NLGN1: variants seen among roughly 807,000 people sequenced by gnomAD.
The protein encoded by NLGN1 is neuroligin-1.
In NLGN1, 12 loss-of-function variants were observed where a neutral mutation model predicts 65.5. That is an observed-to-expected ratio of 0.18 (90% CI 0.12 to 0.30). NLGN1 has a LOEUF of 0.30. NLGN1 is among the 10% of genes least tolerant of loss of function. The pLI is 1.00. For synonymous variants in NLGN1, 350 were observed against 359.5 expected (o/e 0.97, Z 0.30); for missense variants, 750 against 1,007.1 (o/e 0.74, Z 3.46).
chr3:174,237,577 T>C (rs748628756), intron 4 of NLGN1, among the ~76,000 whole-genome samples: 2 of 152,140 alleles, frequency 1.3e-5, no homozygotes, highest in African/African-American at 4.8e-5. Context: ...TTTTTCTTCT[T>C]GAGACAGTCT....
chr3:173,461,313 A>G (rs1478311723), intron 2 of NLGN1, among the ~76,000 whole-genome samples: 1 of 152,152 alleles, frequency 6.6e-6, no homozygotes, highest in Non-Finnish European at 1.5e-5. Flanking sequence ...CCCTTAGGAA[A>G]AATGTAGGGT....
intron 2 of NLGN1, among the ~76,000 whole-genome samples, chr3:173,482,385 C>A (rs1465590900): frequency 6.6e-6 from 1 of 151,592 alleles, no homozygotes; most frequent in Admixed American, 6.6e-5. Context: ...AATTTTTTTC[C>A]AGGTGGATCT....
intron 4 of NLGN1, among the ~76,000 whole-genome samples, chr3:173,880,973 G>C (rs1368056941): frequency 6.6e-6 from 1 of 151,964 alleles, no homozygotes; most frequent in African/African-American, 2.4e-5. Context: ...TATACCGGGA[G>C]TGGATTGCAT....
At chr3:173,667,463 C>T (rs547636294) in intron 3 of NLGN1, among the ~76,000 whole-genome samples, 1 of 152,246 alleles carries the variant, frequency 6.6e-6, no homozygotes, top group South Asian at 2.1e-4. Flanking sequence ...AAGGTAACAT[C>T]TAGCATAACC....
intron 4 of NLGN1, among the ~76,000 whole-genome samples, chr3:174,079,687 A>G (rs1741738086): frequency 6.6e-6 from 1 of 152,226 alleles, no homozygotes; most frequent in African/African-American, 2.4e-5. Context: ...CATGTACACC[A>G]TGGAACAGTA....
intron 4 of NLGN1, among the ~76,000 whole-genome samples, chr3:174,228,450 C>A (rs1740114022): frequency 6.6e-6 from 1 of 152,036 alleles, no homozygotes; most frequent in East Asian, 1.9e-4. Flanking sequence ...TTGCAGAATA[C>A]CTGCTAAGTG....
chr3:174,156,685 T>C (rs1025902049), intron 4 of NLGN1, among the ~76,000 whole-genome samples: 3 of 151,776 alleles, frequency 2.0e-5, no homozygotes, highest in Non-Finnish European at 4.4e-5. Context: ...AGAGGTAAAG[T>C]ACAGTTTGTA....
At chr3:174,196,488 G>A (rs1577313360) in intron 4 of NLGN1, among the ~76,000 whole-genome samples, 1 of 152,048 alleles carries the variant, frequency 6.6e-6, no homozygotes, top group Non-Finnish European at 1.5e-5. Flanking sequence ...CACTCTGCAC[G>A]TAATGTCATC....
At chr3:173,557,478 T>C (rs1187604616) in intron 2 of NLGN1, among the ~76,000 whole-genome samples, 1 of 152,144 alleles carries the variant, frequency 6.6e-6, no homozygotes, top group Non-Finnish European at 1.5e-5. Flanking sequence ...AAGTCTACTT[T>C]CTTTTATTGT....
At chr3:173,776,118 C>T (rs932320284) in intron 3 of NLGN1, among the ~76,000 whole-genome samples, 2 of 151,994 alleles carry the variant, frequency 1.3e-5, no homozygotes, top group African/African-American at 4.8e-5. Context: ...TTTTTCTTAA[C>T]TAAAGTTTTC....
chr3:174,290,851 AAGAAT>A (rs1752687368), downstream of NLGN1, among the ~76,000 whole-genome samples: 1 of 151,038 alleles, frequency 6.6e-6, no homozygotes, highest in Non-Finnish European at 1.5e-5. Flanking sequence ...TCAGAACAAA[AAGAAT>A]AGAAAAAGAG....
intron 2 of NLGN1, among the ~76,000 whole-genome samples, chr3:173,530,067 C>T (rs1291249890): frequency 6.6e-6 from 1 of 151,960 alleles, no homozygotes; most frequent in African/African-American, 2.4e-5. Flanking sequence ...AAGCAATTAT[C>T]CTGCCTCAGT....
chr3:173,778,812 T>C (rs892857047), intron 3 of NLGN1, among the ~76,000 whole-genome samples: 2 of 151,750 alleles, frequency 1.3e-5, no homozygotes, highest in Admixed American at 1.3e-4. Flanking sequence ...GAAACAAATA[T>C]AGAATTCTGG....
At position 173,791,612 on chromosome 3, in the gene NLGN1, G is replaced by C. The variant is rs560662299; in HGVS notation, c.494-16068G>C. 5.3e-5 allele frequency among the ~76,000 whole-genome samples: 8 copies of C among 151,022 alleles called. No individual in the cohort carries two copies. The East Asian group carries it at 1.6e-3, about 29-fold the overall frequency. On this transcript the variant is annotated intron_variant, in intron 3 of 6. Transcript: ENST00000457714. ...TGCATCTAGATGAAGTGTTGCTTGGGGTAGTGCTAACGGCTTTCCAGTTGT... is the reference window on the plus strand; with the variant it reads ...TGCATCTAGATGAAGTGTTGCTTGGCGTAGTGCTAACGGCTTTCCAGTTGT...
In NLGN1 at chr3:173,459,273, T is replaced by TA. The variant is rs987131568; in HGVS notation, c.-321+24203dup. ...CACAAATACCTTTCAATGCATTTTT[T>TA]AAAAAAAATAGCTACACCAACAATT... is the stretch of plus-strand genomic sequence containing the variant. On this transcript the variant is annotated intron_variant, in intron 2 of 6. Transcript: ENST00000457714. 3.9e-5 allele frequency among the ~76,000 whole-genome samples: 6 copies of TA among 151,966 alleles called. No individual in the cohort carries two copies. The East Asian group carries it at 9.6e-4, about 24-fold the overall frequency.
rs563013532 is a variant in NLGN1 at position 173,460,363 on chromosome 3, G to C, written c.-321+25285G>C. Among the ~76,000 whole-genome samples, 4 of 152,174 alleles carry C rather than the reference G, an allele frequency of 2.6e-5. No homozygotes were observed. The South Asian group carries it at 8.3e-4, about 32-fold the overall frequency. Reference sequence around the variant, plus strand: ...TTCAGGAGACTTACGGCTTAGTTGAGGAGATCAGACATGTACAAAATTATA... The same window carrying C: ...TTCAGGAGACTTACGGCTTAGTTGACGAGATCAGACATGTACAAAATTATA... On this transcript the variant is annotated intron_variant, in intron 2 of 6. Coordinates refer to ENST00000457714, the Ensembl canonical transcript of NLGN1.
chr3:174,167,944 A>G (rs550745444), intron 4 of NLGN1, among the ~76,000 whole-genome samples: 6 of 152,096 alleles, frequency 3.9e-5, no homozygotes, highest in African/African-American at 1.4e-4. Flanking sequence ...TTAGTTTAAC[A>G]GACTTGTCTT....
chr3:173,733,716 C>G (rs1190145007), intron 3 of NLGN1, among the ~76,000 whole-genome samples: 3 of 152,050 alleles, frequency 2.0e-5, no homozygotes, highest in Non-Finnish European at 4.4e-5. Context: ...GAATGCAGCT[C>G]TCTTAATAGT....
rs560466974 is a variant in NLGN1 at position 173,510,629 on chromosome 3, G to A, written c.-321+75551G>A. ...CTTGCAAGAATGATAGTAGATGCCA[G>A]AAGCTAAATAAACCTTTTGTCATAC... On this transcript the variant is annotated intron_variant, in intron 2 of 6. Coordinates refer to ENST00000457714, the Ensembl canonical transcript of NLGN1. 5.3e-5 allele frequency among the ~76,000 whole-genome samples: 8 copies of A among 152,326 alleles called. No homozygotes were observed. The South Asian group carries it at 1.7e-3, about 32-fold the overall frequency.
Sources: gnomAD v4.1 joint callset for allele counts (sites outside exome capture counted in the v4.1 genomes callset) on GRCh38, gnomAD v4.1.1 for gene constraint, MANE v1.5 for transcripts, NCBI Gene and HGNC (gene_info 2026-07-23, HGNC 2026-07-21) for gene names.